NAALADL2: variants seen among roughly 807,000 people sequenced by gnomAD.
The protein encoded by NAALADL2 is inactive N-acetylated-alpha-linked acidic dipeptidase-like protein 2.
A neutral mutation model predicts 87.2 loss-of-function variants in NAALADL2; 76 were observed. The observed-to-expected ratio is 0.87, with a 90% confidence interval of 0.72 to 1.05. The LOEUF (loss-of-function observed/expected upper bound fraction) is 1.05, where lower values mean the gene tolerates loss of function less well. Ranked by LOEUF, NAALADL2 falls within the 50% of genes least tolerant of loss-of-function variation. NAALADL2 has a pLI of 0.00. For missense variants in NAALADL2, 1,089 were observed against 945.8 expected (o/e 1.15, Z -1.99); for synonymous variants, 354 against 331.0 (o/e 1.07, Z -0.75).
At chr3:175,111,490 A>G (rs1724181569) in intron 2 of NAALADL2, among the ~76,000 whole-genome samples, 1 of 151,788 alleles carries the variant, frequency 6.6e-6, no homozygotes, top group Non-Finnish European at 1.5e-5. Flanking sequence ...ACTATTGCTG[A>G]AATACCAACT....
chr3:175,710,728 A>G (rs1390112132), intron 11 of NAALADL2, among the ~76,000 whole-genome samples: 1 of 151,780 alleles, frequency 6.6e-6, no homozygotes, highest in East Asian at 1.9e-4. Context: ...ACATATGTAC[A>G]TATAAATTTA....
At chr3:175,641,857 C>T (rs1415818685) in intron 11 of NAALADL2, among the ~76,000 whole-genome samples, 1 of 152,064 alleles carries the variant, frequency 6.6e-6, no homozygotes, top group Non-Finnish European at 1.5e-5. Context: ...ATAAAAAGTA[C>T]ACTTGTTTTT....
intron 1 of NAALADL2, among the ~76,000 whole-genome samples, chr3:174,463,987 G>C (rs946538018): frequency 7.9e-5 from 12 of 152,020 alleles, no homozygotes; most frequent in Non-Finnish European, 8.8e-5. Context: ...AGTGATTGAA[G>C]AACATGAAGT....
At chr3:175,324,044 G>GAAAAAAAAAAAAAAAAAAA (rs1399594788) in intron 4 of NAALADL2, 131 bp from the exon 5 acceptor site, 4 of 444,024 alleles carry the variant, frequency 9.0e-6, no homozygotes, top group African/African-American at 5.5e-5. Flanking sequence ...AAAAAAAAAA[G>GAAAAAAAAAAAAAAAAAAA]AAAAAGAAAA....
At position 174,479,436 on chromosome 3, in the gene NAALADL2, C is replaced by T. The variant is rs146653310; in HGVS notation, c.-184+38404C>T. Among the ~76,000 whole-genome samples the T allele has an allele frequency of 1.7e-3, 265 of 152,174 alleles. 1 individual carries two copies. The highest frequency in any genetic ancestry group is 6.2e-3 in the African/African-American group (259 of 41,522). On this transcript the variant is annotated intron_variant, in intron 1 of 3. Transcript: ENST00000434257. ...AAGCTTAGGGGGTTGAGTACATTTA[C>T]TGAAGATCTCATAAATGAGCTTGAA... is the stretch of plus-strand genomic sequence containing the variant.
At chr3:175,559,318 TTTG>T (rs367634123) in intron 9 of NAALADL2, among the ~76,000 whole-genome samples, 19 of 152,082 alleles carry the variant, frequency 1.2e-4, no homozygotes, top group Non-Finnish European at 1.5e-4. Flanking sequence ...GTTTTTAAAG[TTTG>T]TTGTTGTTGT....
Position 174,605,181 on chromosome 3 carries a change from C to T in NAALADL2, c.-115+54544C>T, listed in dbSNP as rs546716058. Among the ~76,000 whole-genome samples the T allele has an allele frequency of 4.6e-5, 7 of 152,248 alleles. No individual in the cohort carries two copies. In the South Asian group the frequency reaches 1.2e-3, roughly 27 times the overall value. On this transcript the variant is annotated intron_variant, in intron 2 of 3. Coordinates refer to the NAALADL2 transcript ENST00000434257. ...ACAAGTAAAAGTAAAACTAGGGGGT[C>T]GAGCCAAGATGGCCGAATAGGAACA...
At chr3:174,611,666 G>A (rs1037960438) in intron 2 of NAALADL2, among the ~76,000 whole-genome samples, 2 of 151,546 alleles carry the variant, frequency 1.3e-5, no homozygotes, top group Non-Finnish European at 2.9e-5. Context: ...ATCTCGGCTC[G>A]CTGCAACCTC....
intron 1 of NAALADL2, among the ~76,000 whole-genome samples, chr3:174,941,874 TA>T (rs761907350): frequency 5.3e-5 from 8 of 152,322 alleles, no homozygotes; most frequent in Non-Finnish European, 7.4e-5. Flanking sequence ...TCCATTCCTT[TA>T]TTTTGAGCCT....
chr3:175,191,780 T>A (rs1738247291), intron 2 of NAALADL2, among the ~76,000 whole-genome samples: 1 of 152,228 alleles, frequency 6.6e-6, no homozygotes, highest in African/African-American at 2.4e-5. Flanking sequence ...TCTCACTGAT[T>A]TCTTTAAGAA....
At chr3:174,557,032 C>A (rs1303411474) in intron 2 of NAALADL2, among the ~76,000 whole-genome samples, 1 of 152,138 alleles carries the variant, frequency 6.6e-6, no homozygotes, top group Non-Finnish European at 1.5e-5. Context: ...AGGCTTGAGC[C>A]ACCGTGCCCA....
chr3:175,713,122 A>G (rs1740750020), intron 11 of NAALADL2, among the ~76,000 whole-genome samples: 1 of 152,078 alleles, frequency 6.6e-6, no homozygotes, highest in Non-Finnish European at 1.5e-5. Flanking sequence ...CTGTGATTTT[A>G]TTTTCATATA....
At chr3:174,634,154 A>G (rs1722409204) in intron 2 of NAALADL2, among the ~76,000 whole-genome samples, 1 of 152,138 alleles carries the variant, frequency 6.6e-6, no homozygotes, top group Non-Finnish European at 1.5e-5. Context: ...AGTTTTCAGA[A>G]TAGATGTTGC....
chr3:174,693,934 A>G (rs1374876399), intron 2 of NAALADL2, among the ~76,000 whole-genome samples: 1 of 152,164 alleles, frequency 6.6e-6, no homozygotes, highest in African/African-American at 2.4e-5. Flanking sequence ...AGGAATATCA[A>G]AGAATCCATT....
At position 175,096,900 on chromosome 3, in the gene NAALADL2, A is replaced by G. The variant is rs375447231; in HGVS notation, c.154A>G (p.Met52Val). Residue 52 changes from methionine to valine, a missense_variant, in exon 2 of 14, where the codon ATG (methionine) becomes GTG (valine). Transcript: ENST00000454872. ...QATALDLEWD[M>V]EKELEESGFD... ...CACTGCCCTTGACTTAGAGTGGGAC[A>G]TGGAGAAGGAACTAGAGGAGTCTGG... 2.0e-5 allele frequency: 32 copies of G among 1,613,348 alleles called. No homozygotes were observed. Among genetic ancestry groups the G allele is most frequent in the Non-Finnish European group, 2.7e-5 (32 of 1,179,642 alleles).
At chr3:174,855,359 A>G (rs1725732491), upstream of NAALADL2, among the ~76,000 whole-genome samples, 1 of 152,098 alleles carries the variant, frequency 6.6e-6, no homozygotes, top group Non-Finnish European at 1.5e-5. Flanking sequence ...CATTGATTGA[A>G]ACATCATTAT....
chr3:174,449,989 TACAC>T lies in NAALADL2; in HGVS notation c.-184+8963_-184+8966del, dbSNP rs1434436579. ...ATTTTTGAAAGTTAAAGCATATATA[TACAC>T]ACACATATATATACACAACACATAC... On this transcript the variant is annotated intron_variant, in intron 1 of 3. Coordinates refer to the NAALADL2 transcript ENST00000434257. Among the ~76,000 whole-genome samples, 3 of 150,758 alleles carry T rather than the reference TACAC, an allele frequency of 2.0e-5. No homozygotes were observed. The East Asian group carries it at 5.9e-4, about 30-fold the overall frequency.
intron 2 of NAALADL2, among the ~76,000 whole-genome samples, chr3:174,593,777 T>A (rs1406615702): frequency 6.6e-6 from 1 of 152,158 alleles, no homozygotes; most frequent in African/African-American, 2.4e-5. Context: ...TGACACTTAC[T>A]TTTCTGGTTT....
At chr3:175,698,467 A>G (rs1226221034) in intron 11 of NAALADL2, among the ~76,000 whole-genome samples, 2 of 126,578 alleles carry the variant, frequency 1.6e-5, no homozygotes, top group Admixed American at 7.6e-5. Flanking sequence ...ATGTGTATAT[A>G]TGTGTGTATA....
Sources: gnomAD v4.1 joint callset for allele counts (sites outside exome capture counted in the v4.1 genomes callset) on GRCh38, gnomAD v4.1.1 for gene constraint, MANE v1.5 for transcripts, NCBI Gene and HGNC (gene_info 2026-07-23, HGNC 2026-07-21) for gene names.